The following QRFPR variants were observed in gnomAD, a reference collection of about 807,000 sequenced individuals.
QRFPR encodes the protein pyroglutamylated RF-amide peptide receptor.
In QRFPR, 37 loss-of-function variants were observed where a neutral mutation model predicts 31.3. The observed-to-expected ratio is 1.18, with a 90% CI of 0.91 to 1.56. QRFPR has a LOEUF of 1.56. Among genes scored for constraint, QRFPR ranks in the 40% most tolerant of loss-of-function variants. The pLI, the probability that QRFPR is intolerant of heterozygous loss-of-function variation, is 0.00. For missense variants in QRFPR, 542 were observed against 532.5 expected, an observed-to-expected ratio of 1.02 and a Z score of -0.18; for synonymous variants, 197 against 192.0, an observed-to-expected ratio of 1.03 and a Z score of -0.22.
intron 1 of QRFPR, among the ~76,000 whole-genome samples, chr4:121,357,530 A>AT (rs1420122451): frequency 2.0e-5 from 3 of 152,222 alleles, no homozygotes; most frequent in African/African-American, 7.2e-5. Flanking sequence ...AGATATTCAG[A>AT]TTCCCTCCCA....
chr4:121,374,819 C>T (rs1446480079), intron 1 of QRFPR, among the ~76,000 whole-genome samples: 1 of 152,186 alleles, frequency 6.6e-6, no homozygotes, highest in East Asian at 1.9e-4. Context: ...TGTACTTCCC[C>T]CAACGATGCT....
At position 121,365,630 on chromosome 4, in the gene QRFPR, A is replaced by ATATATAT. The variant is rs1560744234; in HGVS notation, c.340+14671_340+14677dup. ...ATATATATTATATATATTATATATTATATATATATTTTATATATTATATAT... is the reference window on the plus strand; with the variant it reads ...ATATATATTATATATATTATATATTATATATATTATATATATTTTATATATTATATAT... On this transcript the variant is annotated intron_variant, in intron 1 of 5. Coordinates refer to ENST00000394427, the MANE Select transcript of QRFPR (RefSeq NM_198179.3). Among the ~76,000 whole-genome samples the ATATATAT allele has an allele frequency of 1.1e-3, 7 of 6,390 alleles. 1 individual carries two copies. Among genetic ancestry groups the ATATATAT allele is most frequent in the African/African-American group, 2.7e-3 (6 of 2,208 alleles). 4.2% of individuals were successfully genotyped at this position (6,390 alleles called of 152,430 possible). A position where few individuals can be genotyped will look rare whatever the true frequency, so the allele number is the denominator to read the frequency against.
intron 1 of QRFPR, among the ~76,000 whole-genome samples, chr4:121,354,178 C>T (rs893068510): frequency 1.3e-5 from 2 of 151,952 alleles, no homozygotes; most frequent in Admixed American, 6.6e-5. Context: ...CTCGGGATGG[C>T]TTTGGCTATT....
At chr4:121,360,937 G>A (rs766791376) in intron 1 of QRFPR, among the ~76,000 whole-genome samples, 1 of 152,088 alleles carries the variant, frequency 6.6e-6, no homozygotes, top group Non-Finnish European at 1.5e-5. Context: ...TGTGCTGTTC[G>A]CCCTTGCATC....
At chr4:121,334,136 A>G (rs903309804) in intron 3 of QRFPR, among the ~76,000 whole-genome samples, 3 of 152,218 alleles carry the variant, frequency 2.0e-5, no homozygotes, top group African/African-American at 7.2e-5. Context: ...GCAAAGGCCA[A>G]TGACCAGGGG....
intron 1 of QRFPR, among the ~76,000 whole-genome samples, chr4:121,345,491 T>A (rs1312285627): frequency 6.6e-6 from 1 of 152,188 alleles, no homozygotes; most frequent in Non-Finnish European, 1.5e-5. Context: ...GGAAGGTAGG[T>A]TTTTTAAAAA....
intron 1 of QRFPR, among the ~76,000 whole-genome samples, chr4:121,365,107 T>G (rs2110480852): frequency 6.7e-6 from 1 of 149,814 alleles, no homozygotes; most frequent in Middle Eastern, 3.4e-3. Flanking sequence ...TAATTCTAAT[T>G]ATTTTAAGTA....
chr4:121,336,315 A>G (rs1454185441), intron 3 of QRFPR, among the ~76,000 whole-genome samples: 1 of 152,196 alleles, frequency 6.6e-6, no homozygotes, highest in African/African-American at 2.4e-5. Flanking sequence ...GTGTGGGGAA[A>G]GGAGAGAGGT....
chr4:121,353,660 G>T (rs1725806901), intron 1 of QRFPR, among the ~76,000 whole-genome samples: 1 of 151,930 alleles, frequency 6.6e-6, no homozygotes, highest in South Asian at 2.1e-4. Flanking sequence ...CCATTTGTGG[G>T]TTACGTTTTC....
chr4:121,360,733 C>A (rs891083416), intron 1 of QRFPR, among the ~76,000 whole-genome samples: 1 of 152,166 alleles, frequency 6.6e-6, no homozygotes, highest in Non-Finnish European at 1.5e-5. Context: ...AGTAGTGTTG[C>A]CTCTGCTGCA....
rs543986172 is a variant in QRFPR at position 121,351,303 on chromosome 4, C to G, written c.341-10693G>C. ...GTTTTACTTTGTGGGAGCCACAGCTCATATGAATTCTGTAGTTCTCTTCAG... is the reference window on the plus strand; with the variant it reads ...GTTTTACTTTGTGGGAGCCACAGCTGATATGAATTCTGTAGTTCTCTTCAG... On this transcript the variant is annotated intron_variant, in intron 1 of 5. Transcript: ENST00000394427. Among the ~76,000 whole-genome samples the G allele has an allele frequency of 9.2e-5, 14 of 152,258 alleles. No homozygotes were observed. In the South Asian group the frequency reaches 2.7e-3, roughly 29 times the overall value.
At chr4:121,354,148 T>C (rs2110476089) in intron 1 of QRFPR, among the ~76,000 whole-genome samples, 1 of 152,136 alleles carries the variant, frequency 6.6e-6, no homozygotes, top group South Asian at 2.1e-4. Context: ...CGTGCGGTTT[T>C]TCCACCTTTG....
intron 4 of QRFPR, 72 bp from the exon 5 acceptor site, chr4:121,330,595 T>G: frequency 8.9e-7 from 1 of 1,121,362 alleles, no homozygotes; most frequent in Non-Finnish European, 1.4e-6. Context: ...AGCAAAGCTA[T>G]TAAAGTCTGA....
At chr4:121,380,112 GA>G (rs368942279) in intron 1 of QRFPR, among the ~76,000 whole-genome samples, 195 bp downstream of exon 1, 6 of 150,372 alleles carry the variant, frequency 4.0e-5, no homozygotes, top group African/African-American at 1.2e-4. Flanking sequence ...GAAGTTCTAA[GA>G]AAGAGCACCG....
intron 2 of QRFPR, among the ~76,000 whole-genome samples, chr4:121,337,588 T>C (rs1300804094): frequency 1.3e-5 from 2 of 152,154 alleles, no homozygotes; most frequent in African/African-American, 4.8e-5. Context: ...AAACATGACA[T>C]AGACCACTCT....
chr4:121,330,848 T>A (rs1410285792), intron 4 of QRFPR, among the ~76,000 whole-genome samples: 1 of 152,212 alleles, frequency 6.6e-6, no homozygotes, highest in Non-Finnish European at 1.5e-5. Context: ...CGAAGTTAGA[T>A]GGCTAGTAAA....
chr4:121,371,277 A>G (rs1202497635), intron 1 of QRFPR, among the ~76,000 whole-genome samples: 1 of 152,228 alleles, frequency 6.6e-6, no homozygotes, highest in Non-Finnish European at 1.5e-5. Flanking sequence ...AACAATAAGC[A>G]CTTACTTAAT....
intron 1 of QRFPR, among the ~76,000 whole-genome samples, chr4:121,351,482 T>C (rs187668973): frequency 6.6e-6 from 1 of 152,272 alleles, no homozygotes. Context: ...GGTAACTGAG[T>C]TGCTTAAACT....
At chr4:121,372,258 C>G (rs1040524174) in intron 1 of QRFPR, among the ~76,000 whole-genome samples, 1 of 152,128 alleles carries the variant, frequency 6.6e-6, no homozygotes, top group Non-Finnish European at 1.5e-5. Context: ...ATAGGAGTGA[C>G]GATGGCGCTC....
Sources: allele counts gnomAD v4.1 joint callset (sites outside exome capture counted in the v4.1 genomes callset), GRCh38; gene constraint gnomAD v4.1.1; transcripts MANE v1.5; gene names NCBI Gene and HGNC (gene_info 2026-07-23, HGNC 2026-07-21).